Variants in VPS33A observed in about 807,000 individuals in gnomAD.
VPS33A encodes VPS33A core subunit of CORVET and HOPS complexes.
A neutral mutation model predicts 71.8 loss-of-function variants in VPS33A; 32 were observed. That is an observed-to-expected ratio of 0.45 (90% CI 0.34 to 0.60). The LOEUF (loss-of-function observed/expected upper bound fraction) is 0.60, where lower values mean the gene tolerates loss of function less well. Ranked by LOEUF, VPS33A falls within the 20% of genes least tolerant of loss-of-function variation. VPS33A has a pLI of 0.02. For synonymous variants in VPS33A, 311 were observed against 292.7 expected (o/e 1.06, Z -0.64); for missense variants, 625 against 748.5 (o/e 0.84, Z 1.92).
intron 5 of VPS33A, 129 bp from the exon 6 acceptor site, chr12:122,250,174 A>ATTTC (rs2136137926): frequency 4.0e-6 from 4 of 1,008,214 alleles, no homozygotes; most frequent in Non-Finnish European, 4.2e-6. Flanking sequence ...TTGCTTAGAA[A>ATTTC]TAAGCAGCTC....
At chr12:122,247,850 T>C (rs1448047677) in intron 6 of VPS33A, among the ~76,000 whole-genome samples, 1 of 152,066 alleles carries the variant, frequency 6.6e-6, no homozygotes, top group Non-Finnish European at 1.5e-5. Flanking sequence ...AGGCCCTTCC[T>C]CTCTTCCTTC....
intron 9 of VPS33A, among the ~76,000 whole-genome samples, chr12:122,239,346 G>A (rs1409509404): frequency 6.6e-6 from 1 of 152,200 alleles, no homozygotes; most frequent in Admixed American, 6.5e-5. Flanking sequence ...CAGGTCTCAT[G>A]TTGCCATGTA....
At chr12:122,245,669 C>G (rs753560632) in intron 6 of VPS33A, among the ~76,000 whole-genome samples, 2 of 152,136 alleles carry the variant, frequency 1.3e-5, no homozygotes, top group African/African-American at 2.4e-5. Context: ...TGGTCTTGAA[C>G]TCTTGTCTTC....
At chr12:122,242,899 A>C (rs1486027070) in intron 7 of VPS33A, among the ~76,000 whole-genome samples, 1 of 152,146 alleles carries the variant, frequency 6.6e-6, no homozygotes, top group Non-Finnish European at 1.5e-5. Flanking sequence ...AGGATGTTTC[A>C]TTTATATTAA....
At chr12:122,249,801 A>C (rs1954820176) in intron 6 of VPS33A, 70 bp downstream of exon 6, 2 of 1,428,914 alleles carry the variant, frequency 1.4e-6, no homozygotes, top group African/African-American at 2.9e-5. Flanking sequence ...TGCAATATAC[A>C]AACAGTAGCC....
intron 4 of VPS33A, chr12:122,252,844 C>T (rs1438138747): frequency 6.6e-6 from 1 of 152,170 alleles, no homozygotes; most frequent in African/African-American, 2.4e-5. Flanking sequence ...AATCCCAGTA[C>T]CTGAAACATA....
intron 10 of VPS33A, among the ~76,000 whole-genome samples, chr12:122,237,265 T>C (rs772574761): frequency 6.6e-5 from 10 of 152,176 alleles, no homozygotes; most frequent in Non-Finnish European, 1.2e-4. Flanking sequence ...AGAAAGTTCT[T>C]TTCCTCCGTG....
chr12:122,236,756 G>T (rs574091930), intron 10 of VPS33A, among the ~76,000 whole-genome samples: 1 of 152,208 alleles, frequency 6.6e-6, no homozygotes, highest in Non-Finnish European at 1.5e-5. Context: ...ACCCCATGAC[G>T]TAGGTATCAT....
intron 4 of VPS33A, among the ~76,000 whole-genome samples, chr12:122,252,276 AT>A (rs908401928): frequency 6.7e-5 from 10 of 148,186 alleles, no homozygotes; most frequent in South Asian, 2.1e-4. Flanking sequence ...TTTTATTTTT[AT>A]TTTTTTTTTG....
chr12:122,265,130 G>A (rs1376485569), intron 1 of VPS33A, among the ~76,000 whole-genome samples: 1 of 151,950 alleles, frequency 6.6e-6, no homozygotes, highest in Non-Finnish European at 1.5e-5. Context: ...ATGTCACCCA[G>A]GCTGGTCTCC....
intron 4 of VPS33A, chr12:122,252,885 T>C (rs2136141246): frequency 6.6e-6 from 1 of 152,284 alleles, no homozygotes; most frequent in South Asian, 2.1e-4. Flanking sequence ...TTAGCTTTTA[T>C]TTGGAATTAT....
chr12:122,242,549 A>G (rs777659579), intron 7 of VPS33A, 41 bp from the exon 8 acceptor site: 5 of 1,566,452 alleles, frequency 3.2e-6, no homozygotes, highest in Non-Finnish European at 4.4e-6. Context: ...CAGGGAAGAT[A>G]GTTTATTTAT....
At chr12:122,264,725 C>T (rs1039763493) in intron 1 of VPS33A, 2 of 152,204 alleles carry the variant, frequency 1.3e-5, no homozygotes, top group African/African-American at 2.4e-5. Context: ...TGACCACATT[C>T]ATATCCTTAG....
chr12:122,241,747 C>T (rs571980121), intron 8 of VPS33A, among the ~76,000 whole-genome samples: 13 of 151,876 alleles, frequency 8.6e-5, no homozygotes, highest in Middle Eastern at 3.4e-3. Flanking sequence ...CATGTGCCAC[C>T]ATGCCCAGCT....
rs138934995 is a variant in VPS33A, at chr12:122,242,487, C to T, written c.991G>A (p.Val331Met). Reference protein sequence around the residue: ...AFEERHNAKTVGEIKQFVSQL... With the variant: ...AFEERHNAKTMGEIKQFVSQL... ...GAAACAAACTGCTTGATCTCCCCCA[C>T]GGTCTTAGCATTGTGTCTTTCCTGA... The change falls in exon 8 of 13, where the codon GTG (valine) becomes ATG (methionine). Residue 331 changes from valine to methionine, a missense_variant. Val to Met is a conservative substitution (Grantham distance 21, BLOSUM62 1). Transcript: ENST00000267199. 60 of 1,613,826 alleles carry T rather than the reference C, an allele frequency of 3.7e-5. No individual in the cohort carries two copies. The highest frequency in any genetic ancestry group is 1.1e-4 in the African/African-American group (8 of 74,918).
In VPS33A at chr12:122,231,313, C is replaced by G. The variant is rs899784341; in HGVS notation, c.*933G>C. 1 of 152,176 alleles carries G rather than the reference C, an allele frequency of 6.6e-6. No individual in the cohort carries two copies. Among genetic ancestry groups the G allele is most frequent in the Non-Finnish European group, 1.5e-5 (1 of 68,022 alleles). The allele number at this position is 152,176 out of a possible 1,614,324, so 9.4% of individuals were successfully genotyped here. A position where few individuals can be genotyped will look rare whatever the true frequency, so the allele number is the denominator to read the frequency against. On this transcript the variant is annotated 3_prime_UTR_variant, in exon 13 of 13. Transcript: ENST00000267199. ...AGGAGATGTAGCTGATCACATAGAG[C>G]ATAAACTTTGTTTCTGGGCAAGAAG... is the stretch of plus-strand genomic sequence containing the variant.
rs749562489 is a variant in VPS33A, at chr12:122,258,986, CAAAAAA to C, written c.483+2269_483+2274del. Among the ~76,000 whole-genome samples the C allele has an allele frequency of 2.6e-4, 14 of 53,214 alleles. No homozygotes were observed. In the Admixed American group the frequency reaches 3.1e-3, roughly 12 times the overall value. 34.9% of individuals were successfully genotyped at this position (53,214 alleles called of 152,430 possible). On this transcript the variant is annotated intron_variant, in intron 4 of 12. Transcript: ENST00000267199. The stretch of plus-strand genomic sequence containing the variant: ...TGGGTGACAAAGTGACAATCCATCT[CAAAAAA>C]AAAAAAAAAAAAAAAGACAGAATAA...
At chr12:122,247,658 T>C (rs1179370450) in intron 6 of VPS33A, among the ~76,000 whole-genome samples, 3 of 152,210 alleles carry the variant, frequency 2.0e-5, no homozygotes, top group African/African-American at 7.2e-5. Context: ...TAAAAATTAC[T>C]ACTTTGTTTT....
At chr12:122,234,582 G>T (rs774210238) in intron 11 of VPS33A, among the ~76,000 whole-genome samples, 1 of 152,186 alleles carries the variant, frequency 6.6e-6, no homozygotes, top group Non-Finnish European at 1.5e-5. Flanking sequence ...GTGAGCCACC[G>T]CGCCTGGCCA....
Sources: allele counts gnomAD v4.1 joint callset (sites outside exome capture counted in the v4.1 genomes callset), GRCh38; gene constraint gnomAD v4.1.1; transcripts MANE v1.5; gene names NCBI Gene and HGNC (gene_info 2026-07-23, HGNC 2026-07-21).